Variants in MPPED2 observed in about 807,000 individuals in gnomAD.
The protein encoded by MPPED2 is metallophosphoesterase domain containing 2.
A neutral mutation model predicts 33.0 loss-of-function variants in MPPED2; 5 were observed. That is an observed-to-expected ratio of 0.15 (90% confidence interval 0.08 to 0.32). The LOEUF is 0.32. Among genes scored for constraint, MPPED2 ranks in the 10% least tolerant of loss-of-function variants. The probability of loss-of-function intolerance (pLI) is 1.00; values close to 1 mark genes in which losing one functional copy is unlikely to be tolerated. For missense variants in MPPED2, 275 were observed against 372.1 expected, an observed-to-expected ratio of 0.74 and a Z score of 2.15; for synonymous variants, 136 against 141.9, an observed-to-expected ratio of 0.96 and a Z score of 0.29.
chr11:30,394,904 C>T lies in MPPED2; in HGVS notation c.767-5948G>A, dbSNP rs112697436. ...AGATAATCCCTTTTGAGACAACTTA[C>T]TTTTTTCTGCATGTGAAGTTAAATT... On this transcript the variant is annotated intron_variant, in intron 6 of 6. Coordinates refer to the MPPED2 transcript ENST00000448418. Among the ~76,000 whole-genome samples, 623 of 152,240 alleles carry T rather than the reference C, an allele frequency of 4.1e-3. 6 individuals are homozygous for T. Among genetic ancestry groups the T allele is most frequent in the African/African-American group, 0.015 (603 of 41,558 alleles).
At chr11:30,548,028 C>T (rs1250717888) in intron 2 of MPPED2, among the ~76,000 whole-genome samples, 1 of 152,060 alleles carries the variant, frequency 6.6e-6, no homozygotes, top group East Asian at 1.9e-4. Context: ...GTCACTTCAG[C>T]AAACAGTGAG....
intron 3 of MPPED2, among the ~76,000 whole-genome samples, chr11:30,534,527 T>C (rs1954704621): frequency 2.6e-5 from 4 of 152,202 alleles, no homozygotes; most frequent in Admixed American, 2.0e-4. Context: ...TTAAATAACA[T>C]GATTAAGTAC....
chr11:30,481,995 C>A (rs1361346267), intron 4 of MPPED2, among the ~76,000 whole-genome samples: 1 of 151,910 alleles, frequency 6.6e-6, no homozygotes, highest in East Asian at 1.9e-4. Flanking sequence ...ACACACACAC[C>A]CGGATCATAT....
At chr11:30,461,800 A>G (rs1198857083) in intron 4 of MPPED2, among the ~76,000 whole-genome samples, 1 of 152,180 alleles carries the variant, frequency 6.6e-6, no homozygotes, top group East Asian at 1.9e-4. Flanking sequence ...CATCCTGACA[A>G]TTTTATCTCT....
At chr11:30,480,504 A>C (rs1056302861) in intron 4 of MPPED2, among the ~76,000 whole-genome samples, 1 of 152,136 alleles carries the variant, frequency 6.6e-6, no homozygotes, top group Non-Finnish European at 1.5e-5. Flanking sequence ...TACAAGACAT[A>C]ATACACTCTT....
intron 6 of MPPED2, 114 bp downstream of exon 6, chr11:30,414,114 A>C (rs1317475333): frequency 1.5e-6 from 1 of 682,870 alleles, no homozygotes; most frequent in African/African-American, 1.8e-5. Context: ...TCATCTTATA[A>C]AAGGGTCCCG....
At chr11:30,488,194 T>C (rs949556665) in intron 4 of MPPED2, among the ~76,000 whole-genome samples, 6 of 152,198 alleles carry the variant, frequency 3.9e-5, no homozygotes, top group African/African-American at 1.4e-4. Flanking sequence ...TGCTGGCTAT[T>C]GTTAATTATT....
chr11:30,404,455 T>G (rs1250074740), intron 6 of MPPED2, among the ~76,000 whole-genome samples: 1 of 152,208 alleles, frequency 6.6e-6, no homozygotes, highest in African/African-American at 2.4e-5. Flanking sequence ...CGTGACACAC[T>G]TGGAATTGCC....
At chr11:30,414,192 C>T (rs761264723) in intron 6 of MPPED2, 36 bp downstream of exon 6, 3 of 1,442,808 alleles carry the variant, frequency 2.1e-6, no homozygotes, top group Non-Finnish European at 2.9e-6. Flanking sequence ...TGGACAGGGG[C>T]ACAAAATGTT....
At chr11:30,396,136 C>T (rs1272549607) in intron 6 of MPPED2, among the ~76,000 whole-genome samples, 1 of 152,132 alleles carries the variant, frequency 6.6e-6, no homozygotes, top group Non-Finnish European at 1.5e-5. Flanking sequence ...AGATGAGAAT[C>T]CTTGGGGACT....
chr11:30,549,372 C>T (rs1252938189), intron 2 of MPPED2, among the ~76,000 whole-genome samples: 4 of 152,166 alleles, frequency 2.6e-5, no homozygotes, highest in Non-Finnish European at 1.5e-5. Context: ...ATTCTCAATT[C>T]TGTGTCAACA....
chr11:30,437,649 C>T (rs975724373), intron 4 of MPPED2, among the ~76,000 whole-genome samples: 2 of 152,198 alleles, frequency 1.3e-5, no homozygotes, highest in Non-Finnish European at 2.9e-5. Flanking sequence ...ACAACCTTCC[C>T]TCTTCATTTA....
At chr11:30,561,557 A>G (rs1298982621) in intron 2 of MPPED2, among the ~76,000 whole-genome samples, 2 of 152,172 alleles carry the variant, frequency 1.3e-5, no homozygotes, top group Non-Finnish European at 2.9e-5. Context: ...CCCAGCCACC[A>G]GCCACTGTGC....
intron 3 of MPPED2, among the ~76,000 whole-genome samples, chr11:30,519,429 A>G (rs1446543654): frequency 1.3e-5 from 2 of 152,020 alleles, no homozygotes; most frequent in African/African-American, 4.8e-5. Context: ...AATAGCCTAT[A>G]AAATATACAC....
At chr11:30,504,756 A>G (rs1565133718) in intron 3 of MPPED2, 1 of 1,288,248 alleles carries the variant, frequency 7.8e-7, no homozygotes, top group Non-Finnish European at 1.0e-6. Flanking sequence ...GGAGCCACAC[A>G]GCAGGTTCAG....
chr11:30,399,081 C>T (rs1947874819), intron 6 of MPPED2, among the ~76,000 whole-genome samples: 1 of 152,060 alleles, frequency 6.6e-6, no homozygotes, highest in Admixed American at 6.6e-5. Flanking sequence ...ACCACCATTA[C>T]ATGAAAACAT....
chr11:30,501,889 G>T (rs1337062979), intron 3 of MPPED2, among the ~76,000 whole-genome samples: 1 of 152,118 alleles, frequency 6.6e-6, no homozygotes, highest in African/African-American at 2.4e-5. Context: ...CACAACACAT[G>T]AACCCCTAAG....
At chr11:30,483,636 G>A (rs1288210266) in intron 4 of MPPED2, among the ~76,000 whole-genome samples, 1 of 152,156 alleles carries the variant, frequency 6.6e-6, no homozygotes, top group African/African-American at 2.4e-5. Flanking sequence ...TTCTACTGAT[G>A]ACTGACTCAA....
intron 2 of MPPED2, among the ~76,000 whole-genome samples, chr11:30,552,188 A>G (rs1233975814): frequency 2.6e-5 from 4 of 152,182 alleles, no homozygotes; most frequent in African/African-American, 4.8e-5. Context: ...TACTCCTATC[A>G]GATAGGTAGG....
Sources: allele counts gnomAD v4.1 joint callset (sites outside exome capture counted in the v4.1 genomes callset), GRCh38; gene constraint gnomAD v4.1.1; transcripts MANE v1.5; gene names NCBI Gene and HGNC (gene_info 2026-07-23, HGNC 2026-07-21).